Variants in CES5A observed in about 807,000 individuals in gnomAD.
CES5A encodes the protein carboxylesterase 5.
Under a neutral mutation model 62.9 loss-of-function variants are expected in CES5A, and 67 were observed. That is an observed-to-expected ratio of 1.07 (90% CI 0.88 to 1.31). CES5A has a LOEUF of 1.31. Among genes scored for constraint, CES5A ranks in the 50% most tolerant of loss-of-function variants. The pLI, the probability that CES5A is intolerant of heterozygous loss-of-function variation, is 0.00. For missense variants in CES5A, 748 were observed against 708.5 expected, an observed-to-expected ratio of 1.06 and a Z score of -0.63; for synonymous variants, 296 against 280.8, an observed-to-expected ratio of 1.05 and a Z score of -0.54.
At chr16:55,903,662 G>A (rs553228272) in intron 1 of CES5A, among the ~76,000 whole-genome samples, 4 of 152,338 alleles carry the variant, frequency 2.6e-5, no homozygotes, top group Admixed American at 2.6e-4. Context: ...CAGTGAGGGA[G>A]AAGCACTGCT....
At chr16:55,860,997 T>G (rs1464348463) in intron 7 of CES5A, among the ~76,000 whole-genome samples, 2 of 152,182 alleles carry the variant, frequency 1.3e-5, no homozygotes, top group African/African-American at 4.8e-5. Context: ...CTCACTACCT[T>G]CTAAAGGAGC....
At chr16:55,930,293 C>T (rs1286809056), upstream of CES5A, among the ~76,000 whole-genome samples, 3 of 152,072 alleles carry the variant, frequency 2.0e-5, no homozygotes, top group Non-Finnish European at 4.4e-5. Flanking sequence ...AGTCCCCTGT[C>T]CAGCATCATC....
chr16:55,954,264 G>T (rs2034586055), intron 1 of CES5A, among the ~76,000 whole-genome samples: 3 of 152,330 alleles, frequency 2.0e-5, no homozygotes, highest in South Asian at 2.1e-4. Context: ...GGCTTTGCAG[G>T]TTCGGTATTT....
intron 4 of CES5A, 127 bp downstream of exon 4, chr16:55,869,484 T>C: frequency 1.5e-6 from 2 of 1,352,888 alleles, no homozygotes; most frequent in Non-Finnish European, 1.9e-6. Flanking sequence ...ATTACCTAAG[T>C]AATTAGGGCC....
chr16:55,948,433 G>A (rs2034519993), intron 2 of CES5A, among the ~76,000 whole-genome samples: 1 of 152,142 alleles, frequency 6.6e-6, no homozygotes, highest in African/African-American at 2.4e-5. Flanking sequence ...ACAGGAAGAA[G>A]TCGAATATAA....
chr16:55,904,663 T>C (rs1364738110), intron 1 of CES5A, among the ~76,000 whole-genome samples: 5 of 152,188 alleles, frequency 3.3e-5, no homozygotes, highest in South Asian at 2.1e-4. Flanking sequence ...AGTTCCATTA[T>C]AGAAAAAAGG....
chr16:55,926,855 G>C (rs2034262681), upstream of CES5A, among the ~76,000 whole-genome samples: 2 of 152,180 alleles, frequency 1.3e-5, no homozygotes, highest in African/African-American at 4.8e-5. Context: ...TGCCCAGTCT[G>C]CTTTTGCTTT....
intron 1 of CES5A, among the ~76,000 whole-genome samples, chr16:55,952,822 A>G (rs1355387404): frequency 1.3e-5 from 2 of 152,112 alleles, no homozygotes; most frequent in Non-Finnish European, 2.9e-5. Context: ...TTTATGGTCA[A>G]GTTCTAGCAA....
At chr16:55,899,421 A>G (rs554928000) in intron 1 of CES5A, among the ~76,000 whole-genome samples, 239 of 152,320 alleles carry the variant, frequency 1.6e-3, no homozygotes, top group African/African-American at 5.5e-3. Context: ...AATTCCCTCA[A>G]GAGGCCCCAT....
intron 4 of CES5A, 60 bp downstream of exon 4, chr16:55,869,551 A>T: frequency 6.3e-7 from 1 of 1,584,358 alleles, no homozygotes; most frequent in Non-Finnish European, 8.6e-7. Flanking sequence ...GGCACTGTCT[A>T]TGGCTACTGC....
At chr16:55,864,567 G>A (rs9940277) in intron 5 of CES5A, among the ~76,000 whole-genome samples, 20,933 of 151,900 alleles carry the variant, frequency 0.14, 2,716 homozygotes, top group African/African-American at 0.32. Context: ...ATTATGTCTG[G>A]AAAAAAAATT....
rs528085344 is a variant in CES5A, at chr16:55,942,326, C to A, written c.160+7459G>T. 1.3e-4 allele frequency among the ~76,000 whole-genome samples: 20 copies of A among 152,218 alleles called. No homozygotes were observed. In the Middle Eastern group the frequency reaches 0.01, roughly 78 times the overall value. ...AGGTTTTTGCCACATTTATATCTGA[C>A]AAATGACTTGTGTATAACACATAAA... On this transcript the variant is annotated intron_variant, in intron 2 of 13. Coordinates refer to the CES5A transcript ENST00000521992.
At chr16:55,934,160 T>C (rs2142471866) in intron 2 of CES5A, among the ~76,000 whole-genome samples, 1 of 152,332 alleles carries the variant, frequency 6.6e-6, no homozygotes, top group East Asian at 1.9e-4. Context: ...TAATCCCCTT[T>C]ACTCTATCAA....
chr16:55,872,270 C>T (rs2033607647), intron 2 of CES5A, among the ~76,000 whole-genome samples: 2 of 152,194 alleles, frequency 1.3e-5, no homozygotes, highest in Admixed American at 6.5e-5. Flanking sequence ...CAAGCCGGGC[C>T]CTTGCCTCGA....
chr16:55,869,194 G>A (rs568885565), intron 4 of CES5A, among the ~76,000 whole-genome samples: 22 of 152,298 alleles, frequency 1.4e-4, no homozygotes, highest in Admixed American at 3.3e-4. Context: ...TGCCAATGGC[G>A]AGTGAACAGA....
At chr16:55,936,041 T>C (rs1042190942) in intron 2 of CES5A, among the ~76,000 whole-genome samples, 3 of 152,188 alleles carry the variant, frequency 2.0e-5, no homozygotes, top group African/African-American at 7.2e-5. Context: ...AGGGAGCCCA[T>C]GAGCCCATGT....
chr16:55,917,759 A>T (rs1567353768), intron 1 of CES5A, among the ~76,000 whole-genome samples: 1 of 152,208 alleles, frequency 6.6e-6, no homozygotes, highest in African/African-American at 2.4e-5. Flanking sequence ...ACACTCAAGG[A>T]TAGCGAATTA....
upstream of CES5A, chr16:55,875,469 G>T: frequency 1.1e-6 from 1 of 908,610 alleles, no homozygotes; most frequent in Non-Finnish European, 1.5e-6. Context: ...AATTTGATAG[G>T]CTTTGGACTT....
At chr16:55,934,943 G>A (rs921415619) in intron 2 of CES5A, among the ~76,000 whole-genome samples, 1 of 152,028 alleles carries the variant, frequency 6.6e-6, no homozygotes, top group Non-Finnish European at 1.5e-5. Context: ...TTTTTGTTTT[G>A]TTTTGTTTTG....
Sources: allele counts gnomAD v4.1 joint callset (sites outside exome capture counted in the v4.1 genomes callset), GRCh38; gene constraint gnomAD v4.1.1; transcripts MANE v1.5; gene names NCBI Gene and HGNC (gene_info 2026-07-23, HGNC 2026-07-21).